Variants in ARID5B observed in about 807,000 individuals in gnomAD.
ARID5B encodes AT-rich interactive domain-containing protein 5B.
Under a neutral mutation model 97.2 loss-of-function variants are expected in ARID5B, and 13 were observed. The ratio of observed to expected loss-of-function variants is 0.13; its 90% confidence interval spans 0.09 to 0.21. ARID5B has a LOEUF of 0.21. Among genes scored for constraint, ARID5B ranks in the 10% least tolerant of loss-of-function variants. The pLI is 1.00. For missense variants in ARID5B, 1,210 were observed against 1,465.3 expected (o/e 0.83, Z 2.84); for synonymous variants, 556 against 570.3 (o/e 0.97, Z 0.36).
At chr10:61,952,917 G>A (rs771885782) in intron 3 of ARID5B, among the ~76,000 whole-genome samples, 40 of 151,796 alleles carry the variant, frequency 2.6e-4, no homozygotes, top group Non-Finnish European at 4.1e-4. Context: ...CTTTCTCAAG[G>A]GAATCTTCTT....
chr10:62,007,298 G>T (rs1425952858), intron 4 of ARID5B, among the ~76,000 whole-genome samples: 1 of 152,190 alleles, frequency 6.6e-6, no homozygotes, highest in Non-Finnish European at 1.5e-5. Flanking sequence ...GCTGTGTGGA[G>T]ATGCTTAGAG....
intron 3 of ARID5B, among the ~76,000 whole-genome samples, chr10:61,987,693 C>T (rs1223803870): frequency 1.3e-5 from 2 of 152,206 alleles, no homozygotes; most frequent in African/African-American, 4.8e-5. Context: ...ATGTGCATGA[C>T]TATGTTGTAA....
intron 3 of ARID5B, among the ~76,000 whole-genome samples, chr10:61,991,073 C>CACACACACA (rs1554842863): frequency 1.0e-4 from 15 of 150,610 alleles, no homozygotes; most frequent in Middle Eastern, 3.4e-3. Flanking sequence ...CACACACACA[C>CACACACACA]CAAATTTTGT....
In ARID5B at chr10:62,000,821, C is replaced by A. The variant is rs183723883; in HGVS notation, c.733+500C>A. On this transcript the variant is annotated intron_variant, in intron 4 of 9. Transcript: ENST00000279873. The surrounding 1 kb of genome is among the most constrained non-coding windows in gnomAD (Gnocchi z 4.4). ...TTTAGTACTGTACAGTAGATAGACA[C>A]GTAGAGAGATGATAGATAGATAGAT... Among the ~76,000 whole-genome samples the A allele has an allele frequency of 7.1e-6, 1 of 140,940 alleles. No homozygotes were observed. The highest frequency in any genetic ancestry group is 2.3e-4 in the South Asian group (1 of 4,316). 92.5% of individuals were successfully genotyped at this position (140,940 alleles called of 152,430 possible).
chr10:62,090,881 A>G lies in ARID5B; in HGVS notation c.1418A>G (p.Lys473Arg). The change falls in exon 10 of 10, where the codon AAA becomes AGA. Residue 473 changes from lysine (K) to arginine (R), a missense_variant. Physicochemically the swap from Lys to Arg is conservative, Grantham distance 26. Coordinates refer to ENST00000279873, the MANE Select transcript of ARID5B (RefSeq NM_032199.3). Reference protein sequence around the residue: ...DAAEVSSEQEKEQETLISQKS... With the variant: ...DAAEVSSEQEREQETLISQKS... ...TACCAGGTTTCATCAGAGCAAGAAA[A>G]AGAACAAGAGACTTTAATAAGCCAG... 6.3e-7 allele frequency: 1 copy of G among 1,583,290 alleles called. No homozygotes were observed. The highest frequency in any genetic ancestry group is 1.2e-5 in the South Asian group (1 of 85,332).
At chr10:62,067,624 G>A (rs993436114) in intron 7 of ARID5B, among the ~76,000 whole-genome samples, 2 of 152,224 alleles carry the variant, frequency 1.3e-5, no homozygotes, top group Non-Finnish European at 2.9e-5. Flanking sequence ...TTACCAACTT[G>A]TTACAAGCAT....
chr10:62,014,467 T>C (rs763377198), intron 4 of ARID5B, among the ~76,000 whole-genome samples: 6 of 152,194 alleles, frequency 3.9e-5, no homozygotes, highest in Non-Finnish European at 8.8e-5. Flanking sequence ...CCTTGGGTAG[T>C]TGCAGATGGG....
intron 4 of ARID5B, among the ~76,000 whole-genome samples, chr10:62,003,794 A>G (rs1309818971): frequency 6.6e-6 from 1 of 152,174 alleles, no homozygotes; most frequent in Admixed American, 6.5e-5. Context: ...TAGACTTTGC[A>G]TTATGGGATG....
chr10:61,931,653 A>G (rs1319119631), intron 2 of ARID5B, among the ~76,000 whole-genome samples: 1 of 152,248 alleles, frequency 6.6e-6, no homozygotes, highest in Non-Finnish European at 1.5e-5. Flanking sequence ...TAAGAAAACA[A>G]ATAACCAAAT....
chr10:62,047,299 A>C (rs1839722857), intron 4 of ARID5B, among the ~76,000 whole-genome samples: 1 of 152,214 alleles, frequency 6.6e-6, no homozygotes, highest in African/African-American at 2.4e-5. Flanking sequence ...GTTAGCTACT[A>C]TTATTATTCA....
chr10:61,902,676 T>C (rs1280499956), intron 2 of ARID5B, among the ~76,000 whole-genome samples: 1 of 63,186 alleles, frequency 1.6e-5, no homozygotes, highest in Non-Finnish European at 4.0e-5. Context: ...TTCAAGGATG[T>C]GTGTGTGTGT....
chr10:62,057,932 G>T lies in ARID5B; in HGVS notation c.1048+614G>T, dbSNP rs868780466. On this transcript the variant is annotated intron_variant, in intron 6 of 9. Transcript: ENST00000279873. ...AACAGAATTCCAAATCAAAAGAGAAGAAATCCAGATCCTGCCTTGATTTTG... is the reference window on the plus strand; with the variant it reads ...AACAGAATTCCAAATCAAAAGAGAATAAATCCAGATCCTGCCTTGATTTTG... 1.1e-4 allele frequency among the ~76,000 whole-genome samples: 17 copies of T among 152,252 alleles called. No individual in the cohort carries two copies. In the Middle Eastern group the frequency reaches 0.01, roughly 92 times the overall value.
Position 62,091,730 on chromosome 10 carries a change from A to G in ARID5B, c.2267A>G (p.Gln756Arg), listed in dbSNP as rs374187162. 6.2e-7 allele frequency: 1 copy of G among 1,614,196 alleles called. No individual in the cohort carries two copies. Among genetic ancestry groups the G allele is most frequent in the African/African-American group, 1.3e-5 (1 of 75,058 alleles). Residue 756 changes from glutamine to arginine, a missense_variant, in exon 10 of 10, where the codon CAG becomes CGG. Transcript: ENST00000279873. ...CGGCCATCAGTGATTCAGCACGTCC[A>G]GAGTTTCAGAAGCAAGCCCTCGGAA... ...VSRPSVIQHV[Q>R]SFRSKPSEER...
chr10:61,982,012 C>T (rs1299167922), intron 3 of ARID5B, among the ~76,000 whole-genome samples: 1 of 152,058 alleles, frequency 6.6e-6, no homozygotes, highest in African/African-American at 2.4e-5. Flanking sequence ...TTTCTTTTTG[C>T]AGGTTTGGAA....
rs185152715 is a variant in ARID5B at position 62,084,576 on chromosome 10, G to A, written c.1200-1126G>A. 3.9e-5 allele frequency among the ~76,000 whole-genome samples: 6 copies of A among 152,296 alleles called. No individual in the cohort carries two copies. The East Asian group carries it at 1.2e-3, about 29-fold the overall frequency. On this transcript the variant is annotated intron_variant, in intron 8 of 9. Coordinates refer to ENST00000279873, the MANE Select transcript of ARID5B (RefSeq NM_032199.3). ...TTAAAGTTCATATTTTTAAGGCTGA[G>A]TCTTATATTAATCCCACAGTGAGTC...
chr10:61,976,305 T>C (rs371248560), intron 3 of ARID5B, among the ~76,000 whole-genome samples: 2 of 152,354 alleles, frequency 1.3e-5, no homozygotes, highest in East Asian at 3.9e-4. Context: ...GCAGCTATAA[T>C]GGCAAAAACT....
intron 8 of ARID5B, among the ~76,000 whole-genome samples, chr10:62,078,969 T>C (rs1019840368): frequency 2.0e-5 from 3 of 152,178 alleles, no homozygotes; most frequent in African/African-American, 4.8e-5. Context: ...TTGTAGCATA[T>C]TGTAAGAGTA....
intron 3 of ARID5B, among the ~76,000 whole-genome samples, chr10:61,992,362 T>C (rs1838938192): frequency 6.6e-6 from 1 of 152,234 alleles, no homozygotes; most frequent in African/African-American, 2.4e-5. Flanking sequence ...GTTCATTTGT[T>C]ACTCAGAGTG....
At chr10:62,017,731 G>T (rs1204525230) in intron 4 of ARID5B, among the ~76,000 whole-genome samples, 1 of 152,106 alleles carries the variant, frequency 6.6e-6, no homozygotes, top group Admixed American at 6.5e-5. Context: ...CAATGTAATT[G>T]CTTCTAAGTG....
Sources: allele counts gnomAD v4.1 joint callset (sites outside exome capture counted in the v4.1 genomes callset), GRCh38; gene constraint gnomAD v4.1.1; non-coding constraint Gnocchi (gnomAD v3.1); transcripts MANE v1.5; gene names NCBI Gene and HGNC (gene_info 2026-07-23, HGNC 2026-07-21).